The following GRID2 variants were observed in gnomAD, a reference collection of about 807,000 sequenced individuals.
The protein encoded by GRID2 is glutamate ionotropic receptor delta type subunit 2.
A neutral mutation model predicts 114.8 loss-of-function variants in GRID2; 33 were observed. That is an observed-to-expected ratio of 0.29 (90% CI 0.22 to 0.38). The LOEUF (loss-of-function observed/expected upper bound fraction) is 0.38. Among genes scored for constraint, GRID2 ranks in the 10% least tolerant of loss-of-function variants. The pLI, the probability that GRID2 is intolerant of heterozygous loss-of-function variation, is 1.00. For missense variants in GRID2, 1,184 were observed against 1,257.7 expected (o/e 0.94, Z 0.89); for synonymous variants, 505 against 449.9 (o/e 1.12, Z -1.55).
At chr4:93,336,469 G>T (rs1443273115) in intron 8 of GRID2, among the ~76,000 whole-genome samples, 1 of 152,088 alleles carries the variant, frequency 6.6e-6, no homozygotes, top group Non-Finnish European at 1.5e-5. Flanking sequence ...GGTTATTTAG[G>T]TTTTTTCCCA....
chr4:93,759,778 T>G (rs1410438132), intron 14 of GRID2, among the ~76,000 whole-genome samples: 1 of 152,212 alleles, frequency 6.6e-6, no homozygotes, highest in Non-Finnish European at 1.5e-5. Context: ...GACATAAAGA[T>G]GTGTCATACA....
chr4:92,352,682 C>T (rs1430058166), intron 1 of GRID2, among the ~76,000 whole-genome samples: 2 of 151,988 alleles, frequency 1.3e-5, no homozygotes, highest in Admixed American at 1.3e-4. Flanking sequence ...AACATCCATT[C>T]ATGTGCTTAT....
intron 4 of GRID2, among the ~76,000 whole-genome samples, chr4:93,126,787 C>A (rs1734317912): frequency 6.6e-6 from 1 of 150,796 alleles, no homozygotes; most frequent in Non-Finnish European, 1.5e-5. Flanking sequence ...TTAGTAGAGA[C>A]GGGGTTTCAC....
chr4:93,629,643 C>G (rs1743066883), intron 14 of GRID2, among the ~76,000 whole-genome samples: 1 of 152,030 alleles, frequency 6.6e-6, no homozygotes, highest in South Asian at 2.1e-4. Context: ...TTACATATTA[C>G]TATTGTGATT....
chr4:92,334,696 C>T (rs1348282547), intron 1 of GRID2, among the ~76,000 whole-genome samples: 1 of 152,142 alleles, frequency 6.6e-6, no homozygotes, highest in Non-Finnish European at 1.5e-5. Context: ...TTAAAGGTCC[C>T]ACCACTCAAC....
chr4:92,863,218 T>C (rs145626912), intron 2 of GRID2, among the ~76,000 whole-genome samples: 1 of 152,276 alleles, frequency 6.6e-6, no homozygotes, highest in African/African-American at 2.4e-5. Flanking sequence ...TTTCTACATT[T>C]TTCCTACACA....
At chr4:92,864,332 G>A (rs549788165) in intron 2 of GRID2, among the ~76,000 whole-genome samples, 12 of 152,250 alleles carry the variant, frequency 7.9e-5, no homozygotes, top group South Asian at 2.1e-4. Flanking sequence ...CTGACACTTC[G>A]TTACAGTCTT....
chr4:93,233,995 G>A (rs1746465584), intron 7 of GRID2, among the ~76,000 whole-genome samples: 1 of 152,098 alleles, frequency 6.6e-6, no homozygotes, highest in Non-Finnish European at 1.5e-5. Context: ...CATACTTAGA[G>A]AAATGGAGAC....
At chr4:93,612,202 T>C (rs1578394174) in intron 13 of GRID2, among the ~76,000 whole-genome samples, 1 of 150,602 alleles carries the variant, frequency 6.6e-6, no homozygotes, top group African/African-American at 2.4e-5. Flanking sequence ...AGCCTATGTG[T>C]GTCTCTGCAC....
intron 9 of GRID2, among the ~76,000 whole-genome samples, chr4:93,413,665 A>G (rs1948017): frequency 0.22 from 32,805 of 152,142 alleles, 5,366 homozygotes; most frequent in African/African-American, 0.46. Context: ...AACAATAAAT[A>G]ATTCACCCTC....
At chr4:93,436,124 A>C (rs1314166355) in intron 10 of GRID2, among the ~76,000 whole-genome samples, 1 of 152,172 alleles carries the variant, frequency 6.6e-6, no homozygotes, top group East Asian at 1.9e-4. Flanking sequence ...AATTCTCACA[A>C]AACTGGCCTA....
intron 2 of GRID2, among the ~76,000 whole-genome samples, chr4:92,864,695 A>G (rs768533707): frequency 6.6e-6 from 1 of 152,148 alleles, no homozygotes; most frequent in Non-Finnish European, 1.5e-5. Context: ...AGGCCTTTCC[A>G]TCTGATGTGA....
At chr4:92,347,844 A>G (rs938228565) in intron 1 of GRID2, among the ~76,000 whole-genome samples, 7 of 152,144 alleles carry the variant, frequency 4.6e-5, no homozygotes, top group Non-Finnish European at 1.0e-4. Context: ...GCATTAATAT[A>G]TGAATATAAT....
At chr4:93,422,320 A>T (rs760678904) in intron 9 of GRID2, among the ~76,000 whole-genome samples, 12 of 150,086 alleles carry the variant, frequency 8.0e-5, no homozygotes, top group Non-Finnish European at 1.3e-4. Context: ...CAGCTAAATT[A>T]TATGTTCTTA....
chr4:92,656,032 T>A (rs1242489465), intron 2 of GRID2, among the ~76,000 whole-genome samples: 1 of 151,738 alleles, frequency 6.6e-6, no homozygotes, highest in Non-Finnish European at 1.5e-5. Flanking sequence ...TATTTTGAGA[T>A]GTGGTCCTTC....
chr4:93,667,357 A>G (rs1378933359), intron 14 of GRID2, among the ~76,000 whole-genome samples: 2 of 151,858 alleles, frequency 1.3e-5, no homozygotes, highest in Non-Finnish European at 2.9e-5. Context: ...ACATCCAGGT[A>G]TCCAATATAT....
chr4:93,050,527 TG>T (rs1341354021), intron 2 of GRID2, among the ~76,000 whole-genome samples: 86 of 141,782 alleles, frequency 6.1e-4, no homozygotes, highest in African/African-American at 2.2e-3. Flanking sequence ...TGTGTGTGTG[TG>T]TGTGTGTGTG....
chr4:93,390,187 G>T (rs775906774), intron 8 of GRID2, among the ~76,000 whole-genome samples: 1 of 152,178 alleles, frequency 6.6e-6, no homozygotes, highest in Admixed American at 6.5e-5. Context: ...TACTCCTGGG[G>T]ATTCTGACTT....
At chr4:92,558,436 A>G (rs983435573) in intron 1 of GRID2, among the ~76,000 whole-genome samples, 2 of 152,170 alleles carry the variant, frequency 1.3e-5, no homozygotes, top group African/African-American at 4.8e-5. Flanking sequence ...TTTCTTTCAT[A>G]GAAAAAGAAG....
Sources: allele counts gnomAD v4.1 joint callset (sites outside exome capture counted in the v4.1 genomes callset), GRCh38; gene constraint gnomAD v4.1.1; transcripts MANE v1.5; gene names NCBI Gene and HGNC (gene_info 2026-07-23, HGNC 2026-07-21).